PTPRH: variants seen among roughly 807,000 people sequenced by gnomAD.
PTPRH encodes the protein receptor-type tyrosine-protein phosphatase H.
Under a neutral mutation model 130.2 loss-of-function variants are expected in PTPRH, and 113 were observed. That is an observed-to-expected ratio of 0.87 (90% confidence interval 0.75 to 1.01). PTPRH has a LOEUF of 1.01. Ranked by LOEUF, PTPRH falls within the 50% of genes least tolerant of loss-of-function variation. PTPRH has a pLI of 0.00. For synonymous variants in PTPRH, 556 were observed against 577.9 expected (o/e 0.96, Z 0.54); for missense variants, 1,430 against 1,425.0 (o/e 1.00, Z -0.06).
Position 55,194,083 on chromosome 19 carries a change from C to T in PTPRH, c.2258-2342G>A, listed in dbSNP as rs1470438338. 5.4e-6 allele frequency: 6 copies of T among 1,105,374 alleles called. No homozygotes were observed. In the African/African-American group the frequency reaches 9.7e-5, roughly 18 times the overall value. 68.5% of individuals were successfully genotyped at this position (1,105,374 alleles called of 1,614,324 possible). A position where few individuals can be genotyped will look rare whatever the true frequency, so the allele number is the denominator to read the frequency against. On this transcript the variant is annotated intron_variant, in intron 10 of 19. Transcript: ENST00000376350. ...CAGGCTGGTCTCGAACTCCCAACCA[C>T]AGGTGATCCTCCCGCCTCGGCCTCC...
At chr19:55,183,138 G>A (rs2086222782) in intron 18 of PTPRH, among the ~76,000 whole-genome samples, 2 of 147,028 alleles carry the variant, frequency 1.4e-5, no homozygotes, top group Admixed American at 6.8e-5. Flanking sequence ...GCTCACGCCT[G>A]TAATCCCAGC....
chr19:55,191,707 C>A lies in PTPRH; in HGVS notation c.2292G>T (p.Leu764=). Residue 764 remains leucine, a synonymous_variant, in exon 11 of 20, where the codon CTG becomes CTT. Coordinates refer to ENST00000376350, the MANE Select transcript of PTPRH (RefSeq NM_002842.5). ...VIAGAFVGIL[L]FLILVGLLIF... ...TCAGCAGGCCCACGAGGATGAGAAA[C>A]AGGAGGATGCCCACAAAGGCTCCGG... 6.2e-7 allele frequency: 1 copy of A among 1,614,122 alleles called. No homozygotes were observed. Among genetic ancestry groups the A allele is most frequent in the East Asian group, 2.2e-5 (1 of 44,888 alleles).
Position 55,200,293 on chromosome 19 carries a change from C to G in PTPRH, c.1363G>C (p.Val455Leu). Reference protein sequence around the residue: ...LEPGTLYTFSVWAEKNGARGS... With the variant: ...LEPGTLYTFSLWAEKNGARGS... Reference sequence around the variant, plus strand: ...CGTGCTCCATTTTTTTCTGCCCATACAGAGAATGTGTACAAGGTTCCGGGC... The same window carrying G: ...CGTGCTCCATTTTTTTCTGCCCATAGAGAGAATGTGTACAAGGTTCCGGGC... The change falls in exon 7 of 20, where the codon GTA (valine) becomes CTA (leucine). Residue 455 changes from valine to leucine, a missense_variant. Physicochemically the swap from Val to Leu is conservative, Grantham distance 32. Transcript: ENST00000376350. The G allele has an allele frequency of 6.2e-7, 1 of 1,614,192 alleles. No homozygotes were observed. Among genetic ancestry groups the G allele is most frequent in the Non-Finnish European group, 8.5e-7 (1 of 1,180,030 alleles).
At position 55,187,727 on chromosome 19, in the gene PTPRH, A is replaced by C. The variant is rs2288525; in HGVS notation, c.2476-124T>G. The C allele has an allele frequency of 0.13, 91,545 of 707,652 alleles. 6,776 individuals are homozygous for C. Among genetic ancestry groups the C allele is most frequent in the African/African-American group, 0.22 (12,626 of 56,318 alleles). 43.8% of individuals were successfully genotyped at this position (707,652 alleles called of 1,614,324 possible). A position where few individuals can be genotyped will look rare whatever the true frequency, so the allele number is the denominator to read the frequency against. On this transcript the variant is annotated intron_variant, in intron 13 of 19. Transcript: ENST00000376350. The stretch of plus-strand genomic sequence containing the variant: ...TGTTTATTCGTTGCACCCTGAGATT[A>C]TATGGCACCCACAAAAACAGAATAG...
At chr19:55,193,153 G>C (rs908707766) in intron 10 of PTPRH, among the ~76,000 whole-genome samples, 1 of 151,764 alleles carries the variant, frequency 6.6e-6, no homozygotes, top group African/African-American at 2.4e-5. Context: ...ACTTGAACCC[G>C]GGAGGTGGAG....
chr19:55,205,490 T>G lies in PTPRH; in HGVS notation c.455A>C (p.Tyr152Ser). The change falls in exon 4 of 20, where the codon TAC becomes TCC. Residue 152 changes from tyrosine to serine, a missense_variant. Physicochemically the swap from Tyr to Ser is moderately radical, Grantham distance 144 (BLOSUM62 -2). Transcript: ENST00000376350. ...PDGPDPQNST[Y>S]GVEYTGDGGR... ...ACCATCTCCAGTGTACTCAACCCCG[T>G]AGGTGGAGTTCTGTGGGTCTGGGCC... 6.2e-7 allele frequency: 1 copy of G among 1,614,154 alleles called. No homozygotes were observed. The highest frequency in any genetic ancestry group is 8.5e-7 in the Non-Finnish European group (1 of 1,180,024).
At chr19:55,182,253 T>C (rs559629944) in intron 18 of PTPRH, 102 bp from the exon 19 acceptor site, 4 of 1,353,684 alleles carry the variant, frequency 3.0e-6, no homozygotes, top group South Asian at 2.6e-5. Flanking sequence ...ACAATAACTA[T>C]GCCTGCTCAC....
Position 55,186,507 on chromosome 19 carries a change from TGGATGG to T in PTPRH, c.2594_2599del (p.Pro865_Ile866del), listed in dbSNP as rs750323454. The T allele has an allele frequency of 1.7e-5, 25 of 1,499,654 alleles. No individual in the cohort carries two copies. Among genetic ancestry groups the T allele is most frequent in the Non-Finnish European group, 2.1e-5 (24 of 1,132,812 alleles). The allele number at this position is 1,499,654 out of a possible 1,614,324, so 92.9% of individuals were successfully genotyped here. Reference sequence around the variant, plus strand: ...GATGTAGTCAGAGCCTGGCTCCTCATGGATGGGCTTCAGGGGCACCCGGGACCAGTC... The same window carrying T: ...GATGTAGTCAGAGCCTGGCTCCTCATGCTTCAGGGGCACCCGGGACCAGTC... On this transcript the variant is annotated inframe_deletion, in exon 15 of 20. Coordinates refer to ENST00000376350, the MANE Select transcript of PTPRH (RefSeq NM_002842.5).
At chr19:55,193,854 GGTTT>G (rs892415677) in intron 10 of PTPRH, among the ~76,000 whole-genome samples, 3 of 150,630 alleles carry the variant, frequency 2.0e-5, no homozygotes, top group Non-Finnish European at 4.4e-5. Context: ...TTTTTTTCTT[GGTTT>G]GTTTTTTGAG....
chr19:55,199,181 C>G (rs988474860), intron 7 of PTPRH, among the ~76,000 whole-genome samples: 1 of 152,186 alleles, frequency 6.6e-6, no homozygotes, highest in Non-Finnish European at 1.5e-5. Flanking sequence ...GTAGCACATG[C>G]CTGTAGTCCC....
intron 4 of PTPRH, 89 bp downstream of exon 4, chr19:55,205,237 G>C: frequency 3.2e-6 from 5 of 1,568,428 alleles, no homozygotes; most frequent in South Asian, 1.2e-5. Context: ...ATGTGGCCCA[G>C]AGGGACTATG....
chr19:55,191,712 G>T lies in PTPRH; in HGVS notation c.2287C>A (p.Leu763Ile). Residue 763 changes from leucine (L) to isoleucine (I), a missense_variant, in exon 11 of 20, where the codon CTC becomes ATC. Leu to Ile is a conservative substitution (Grantham distance 5). Coordinates refer to ENST00000376350, the MANE Select transcript of PTPRH (RefSeq NM_002842.5). ...AGGCCCACGAGGATGAGAAACAGGA[G>T]GATGCCCACAAAGGCTCCGGCAATG... ...GVIAGAFVGILLFLILVGLLI... is the reference protein window; with the variant it reads ...GVIAGAFVGIILFLILVGLLI... 1.2e-6 allele frequency: 2 copies of T among 1,614,114 alleles called. No homozygotes were observed. Among genetic ancestry groups the T allele is most frequent in the Non-Finnish European group, 1.7e-6 (2 of 1,180,008 alleles).
intron 14 of PTPRH, among the ~76,000 whole-genome samples, chr19:55,186,794 C>G (rs2086349226): frequency 6.6e-6 from 1 of 152,144 alleles, no homozygotes; most frequent in African/African-American, 2.4e-5. Context: ...CCTGTAATCC[C>G]AGAACTTTGG....
intron 6 of PTPRH, 52 bp downstream of exon 6, chr19:55,202,004 T>C (rs1322258697): frequency 2.4e-5 from 39 of 1,600,946 alleles, no homozygotes; most frequent in Non-Finnish European, 2.9e-5. Flanking sequence ...ATTCTACTGC[T>C]TACTGTCCCT....
intron 3 of PTPRH, among the ~76,000 whole-genome samples, chr19:55,205,808 G>A (rs898212285): frequency 1.3e-5 from 2 of 152,344 alleles, no homozygotes; most frequent in African/African-American, 2.4e-5. Context: ...ACCGGCTTTC[G>A]AAGAGTTCGT....
chr19:55,197,434 A>C lies in PTPRH; in HGVS notation c.1691-18T>G. ...ATTGGGAGCTGAGAAGTGAGAACAG[A>C]GGCCTAAGGGGGTATCCTCGAAGAC... is the stretch of plus-strand genomic sequence containing the variant. On this transcript the variant is annotated intron_variant, in intron 8 of 19. Transcript: ENST00000376350. 6.8e-6 allele frequency: 11 copies of C among 1,606,248 alleles called. No individual in the cohort carries two copies. The highest frequency in any genetic ancestry group is 9.4e-6 in the Non-Finnish European group (11 of 1,174,072).
In PTPRH at chr19:55,181,905, T is replaced by G; in HGVS notation, c.3199-2A>C. 1.9e-6 allele frequency: 3 copies of G among 1,614,168 alleles called. No individual in the cohort carries two copies. Among genetic ancestry groups the G allele is most frequent in the Non-Finnish European group, 2.5e-6 (3 of 1,180,014 alleles). On this transcript the variant is annotated splice_acceptor_variant, in intron 19 of 19. Coordinates refer to ENST00000376350, the MANE Select transcript of PTPRH (RefSeq NM_002842.5). LOFTEE classifies it high-confidence loss of function. The stretch of plus-strand genomic sequence containing the variant: ...CTGATGCAGGAATACGTACTGAGCC[T>G]GGGAAGCAGGCACGGGAGTGAGAGG...
chr19:55,189,916 C>A, intron 12 of PTPRH: 1 of 356,808 alleles, frequency 2.8e-6, no homozygotes, highest in Non-Finnish European at 5.6e-6. Context: ...GTCACTTGAG[C>A]CCAGGAGGTC....
At chr19:55,204,998 G>A (rs959620230) in intron 4 of PTPRH, among the ~76,000 whole-genome samples, 2 of 152,182 alleles carry the variant, frequency 1.3e-5, no homozygotes, top group Non-Finnish European at 2.9e-5. Context: ...GGGACTAGAA[G>A]AAGAGTCAGA....
Sources: gnomAD v4.1 joint callset for allele counts (sites outside exome capture counted in the v4.1 genomes callset) on GRCh38, gnomAD v4.1.1 for gene constraint, MANE v1.5 for transcripts, NCBI Gene and HGNC (gene_info 2026-07-23, HGNC 2026-07-21) for gene names.